MCC: variants seen among roughly 807,000 people sequenced by gnomAD.
MCC encodes MCC regulator of Wnt signaling pathway, also known as colorectal mutant cancer protein.
Under a neutral mutation model 116.2 loss-of-function variants are expected in MCC, and 90 were observed. The observed-to-expected ratio is 0.77, with a 90% CI of 0.65 to 0.92. MCC has a LOEUF of 0.92. Ranked by LOEUF, MCC falls within the 40% of genes least tolerant of loss-of-function variation. MCC has a pLI of 0.00. For missense variants in MCC, 1,516 were observed against 1,312.2 expected, an observed-to-expected ratio of 1.16 and a Z score of -2.40; for synonymous variants, 578 against 510.5, an observed-to-expected ratio of 1.13 and a Z score of -1.78.
intron 1 of MCC, chr5:113,433,698 G>C: frequency 6.3e-7 from 1 of 1,581,150 alleles, no homozygotes; most frequent in South Asian, 1.2e-5. Flanking sequence ...TGGGCTTTAA[G>C]CCGTGAGCTC....
intron 2 of MCC, among the ~76,000 whole-genome samples, chr5:113,369,973 G>A (rs934197169): frequency 1.3e-5 from 2 of 152,080 alleles, no homozygotes; most frequent in Non-Finnish European, 2.9e-5. Context: ...TGACTGATAA[G>A]ACTAAACATA....
At chr5:113,051,778 G>C (rs1752505513) in intron 15 of MCC, among the ~76,000 whole-genome samples, 1 of 152,106 alleles carries the variant, frequency 6.6e-6, no homozygotes, top group African/African-American at 2.4e-5. Flanking sequence ...ATTTGAAAAG[G>C]AACCAAGCAC....
intron 2 of MCC, among the ~76,000 whole-genome samples, chr5:113,383,574 C>T (rs1276988250): frequency 3.3e-5 from 5 of 151,894 alleles, no homozygotes; most frequent in African/African-American, 4.8e-5. Context: ...GTATATCAAA[C>T]GTAGGCAGTA....
intron 3 of MCC, among the ~76,000 whole-genome samples, chr5:113,219,467 TTTTTA>T (rs1312919169): frequency 6.6e-6 from 1 of 152,216 alleles, no homozygotes; most frequent in African/African-American, 2.4e-5. Flanking sequence ...TGTTAACATG[TTTTTA>T]TTTTCCTAAT....
At chr5:113,078,813 A>C (rs1402738847) in intron 11 of MCC, among the ~76,000 whole-genome samples, 1 of 152,238 alleles carries the variant, frequency 6.6e-6, no homozygotes, top group African/African-American at 2.4e-5. Flanking sequence ...GGCCAGGGCA[A>C]TGAGGCAGGA....
At chr5:113,241,058 T>G (rs985513641) in intron 3 of MCC, among the ~76,000 whole-genome samples, 1 of 152,186 alleles carries the variant, frequency 6.6e-6, no homozygotes, top group Non-Finnish European at 1.5e-5. Flanking sequence ...CTGAGTAATA[T>G]CAGTGTGTCA....
chr5:113,102,014 G>A, intron 7 of MCC, 69 bp from the exon 8 acceptor site: 1 of 1,468,650 alleles, frequency 6.8e-7, no homozygotes. Flanking sequence ...AAGAAAATAG[G>A]CTGAACAGGA....
chr5:113,033,493 T>C (rs1751105751), intron 17 of MCC, among the ~76,000 whole-genome samples: 1 of 151,584 alleles, frequency 6.6e-6, no homozygotes, highest in Non-Finnish European at 1.5e-5. Context: ...CTTGTTCCTT[T>C]CTCCTTCTAA....
At chr5:113,165,443 T>G (rs980699269) in intron 3 of MCC, among the ~76,000 whole-genome samples, 17 of 152,202 alleles carry the variant, frequency 1.1e-4, no homozygotes, top group African/African-American at 3.9e-4. Flanking sequence ...TCCTTTTTTG[T>G]CCCCTTAATT....
intron 14 of MCC, among the ~76,000 whole-genome samples, chr5:113,062,001 T>C (rs1175931583): frequency 6.6e-6 from 1 of 152,256 alleles, no homozygotes; most frequent in Admixed American, 6.5e-5. Flanking sequence ...AGCAGTCTAA[T>C]TGCATCAGGT....
intron 3 of MCC, among the ~76,000 whole-genome samples, chr5:113,280,703 G>GGGA (rs1040235647): frequency 6.6e-6 from 1 of 152,182 alleles, no homozygotes; most frequent in Non-Finnish European, 1.5e-5. Context: ...GAGGGCAGGA[G>GGGA]GGAGGAGGAG....
chr5:113,396,949 C>A, intron 1 of MCC, among the ~76,000 whole-genome samples: 1 of 152,112 alleles, frequency 6.6e-6, no homozygotes, highest in East Asian at 1.9e-4. Context: ...TTCAGTGAAT[C>A]AACAGATAAC....
intron 3 of MCC, among the ~76,000 whole-genome samples, chr5:113,233,660 A>G (rs1189315289): frequency 2.6e-5 from 4 of 151,986 alleles, no homozygotes. Flanking sequence ...GTCTCCCTCC[A>G]CCCCAACTCC....
intron 17 of MCC, among the ~76,000 whole-genome samples, chr5:113,039,827 G>A (rs913548725): frequency 3.3e-5 from 5 of 150,552 alleles, no homozygotes; most frequent in Non-Finnish European, 7.4e-5. Context: ...CTTGGGTCCC[G>A]AGGGCGGGCT....
At chr5:113,027,566 C>G in intron 18 of MCC, 84 bp from the exon 19 acceptor site, 1 of 1,180,692 alleles carries the variant, frequency 8.5e-7, no homozygotes. Flanking sequence ...ATAACCAGAT[C>G]TAGTGAGCAC....
At chr5:113,169,090 C>G (rs540067948) in intron 3 of MCC, among the ~76,000 whole-genome samples, 445 of 152,168 alleles carry the variant, frequency 2.9e-3, no homozygotes, top group Non-Finnish European at 5.0e-3. Flanking sequence ...AAACTCCCAC[C>G]GTCCCAGACT....
At chr5:113,098,219 T>TA (rs1310872453) in intron 8 of MCC, among the ~76,000 whole-genome samples, 5 of 152,050 alleles carry the variant, frequency 3.3e-5, no homozygotes, top group African/African-American at 9.7e-5. Context: ...ACAATGTAGC[T>TA]AAAAAAATGG....
At chr5:113,396,078 A>C (rs1769518825) in intron 1 of MCC, among the ~76,000 whole-genome samples, 2 of 152,192 alleles carry the variant, frequency 1.3e-5, no homozygotes, top group Admixed American at 6.5e-5. Context: ...CTGTTATTCC[A>C]GCATTTTGGG....
intron 11 of MCC, among the ~76,000 whole-genome samples, chr5:113,077,784 G>A (rs1419381866): frequency 6.6e-6 from 1 of 152,088 alleles, no homozygotes; most frequent in Non-Finnish European, 1.5e-5. Context: ...AAAGCTAGCA[G>A]AAGGCAAGAA....
Sources: gnomAD v4.1 joint callset for allele counts (sites outside exome capture counted in the v4.1 genomes callset) on GRCh38, gnomAD v4.1.1 for gene constraint, MANE v1.5 for transcripts, NCBI Gene and HGNC (gene_info 2026-07-23, HGNC 2026-07-21) for gene names.